The following CCL24 variants were observed in gnomAD, a reference collection of about 807,000 sequenced individuals.
The protein encoded by CCL24 is C-C motif chemokine 24.
CCL24 carries 6 observed loss-of-function variants against 8.6 expected under a neutral mutation model. That is an observed-to-expected ratio of 0.70 (90% CI 0.38 to 1.38). CCL24 has a LOEUF of 1.38. Among genes scored for constraint, CCL24 ranks in the 40% most tolerant of loss-of-function variants. CCL24 has a pLI of 0.02. For synonymous variants in CCL24, 59 were observed against 52.7 expected (o/e 1.12, Z -0.52); for missense variants, 126 against 147.1 (o/e 0.86, Z 0.74).
In CCL24 at chr7:75,819,317, T is replaced by A. The variant is rs1271478867; in HGVS notation, c.-60+4005A>T. ...AAAAAAAAAAAAATATATATATATA[T>A]ATATATATATATATATATATTCATA... On this transcript the variant is annotated intron_variant, in intron 1 of 3. Coordinates refer to the CCL24 transcript ENST00000416943. 8.7e-4 allele frequency among the ~76,000 whole-genome samples: 41 copies of A among 47,262 alleles called. 2 individuals are homozygous for A. Among genetic ancestry groups the A allele is most frequent in the Non-Finnish European group, 1.4e-3 (29 of 20,474 alleles). 31.0% of individuals were successfully genotyped at this position (47,262 alleles called of 152,430 possible).
At chr7:75,821,934 AAAAAAAAAG>A (rs1554535147) in intron 1 of CCL24, among the ~76,000 whole-genome samples, 1 of 150,992 alleles carries the variant, frequency 6.6e-6, no homozygotes, top group Non-Finnish European at 1.5e-5. Flanking sequence ...TCTCAAAAAA[AAAAAAAAAG>A]AAAACAAAAT....
rs201733507 is a variant in CCL24 at position 75,811,925 on chromosome 7, G to C, written c.231C>G (p.Pro77=). ...TKKGQQFCGD[P]KQEWVQRYMK... The stretch of plus-strand genomic sequence containing the variant: ...TGTACCTCTGGACCCACTCCTGCTT[G>C]GGGTCGCCACAGAACTGCTGGCCCT... Residue 77 remains proline (P), a synonymous_variant, in exon 3 of 3, where the codon CCC becomes CCG. Transcript: ENST00000222902. 2 of 1,610,848 alleles carry C rather than the reference G, an allele frequency of 1.2e-6. No individual in the cohort carries two copies. Among genetic ancestry groups the C allele is most frequent in the East Asian group, 4.5e-5 (2 of 44,652 alleles).
chr7:75,821,969 G>T lies in CCL24; in HGVS notation c.-60+1353C>A, dbSNP rs1302819945. ...AAAACAAAATTAGCCAGGTGTGGTG[G>T]CACAAGCCTGTAATCCCAGCTACTC... On this transcript the variant is annotated intron_variant, in intron 1 of 3. Coordinates refer to the CCL24 transcript ENST00000416943. 2.0e-5 allele frequency among the ~76,000 whole-genome samples: 3 copies of T among 151,708 alleles called. No homozygotes were observed. In the East Asian group the frequency reaches 5.8e-4, roughly 29 times the overall value.
rs1239080959 is a variant in CCL24, at chr7:75,810,920, T to C, written c.*876A>G. 1.3e-5 allele frequency among the ~76,000 whole-genome samples: 2 copies of C among 151,712 alleles called. No homozygotes were observed. Among genetic ancestry groups the C allele is most frequent in the African/African-American group, 4.8e-5 (2 of 41,300 alleles). On this transcript the variant is annotated 3_prime_UTR_variant, in exon 3 of 3. Transcript: ENST00000222902. ...ATAAACCCACACAGTATATCATGCA[T>C]AGAAAAAAAAAGCTAGAGTCTTTTC...
At chr7:75,819,161 G>A (rs1441510965) in intron 1 of CCL24, among the ~76,000 whole-genome samples, 5 of 145,382 alleles carry the variant, frequency 3.4e-5, no homozygotes, top group South Asian at 2.2e-4. Context: ...CCAGCTGCTC[G>A]GGAGGCTGAG....
chr7:75,813,516 C>G, intron 1 of CCL24, 93 bp from the exon 2 acceptor site: 1 of 1,253,388 alleles, frequency 8.0e-7, no homozygotes, highest in Non-Finnish European at 1.2e-6. Flanking sequence ...CACCAAACAC[C>G]GCCAGTCCAT....
rs782781825 is a variant in CCL24 at position 75,813,716 on chromosome 7, G to A, written c.-1C>T. 3.1e-6 allele frequency: 5 copies of A among 1,613,568 alleles called. No homozygotes were observed. In the South Asian group the frequency reaches 3.3e-5, roughly 11 times the overall value. ...TTACTATGGTCATCAGGCCTGCCAT[G>A]TCTCAGAGAGCAGAAGCACCAGCTC... On this transcript the variant is annotated 5_prime_UTR_variant, in exon 1 of 3. Coordinates refer to ENST00000222902, the MANE Select transcript of CCL24 (RefSeq NM_002991.3).
Position 75,813,804 on chromosome 7 carries a change from A to G in CCL24, c.-89T>C. Reference sequence around the variant, plus strand: ...GGATAAATAGCTCGGGTCCTTGCAGAGTACCCCAAACTCCCTCCCTCTGCC... The same window carrying G: ...GGATAAATAGCTCGGGTCCTTGCAGGGTACCCCAAACTCCCTCCCTCTGCC... On this transcript the variant is annotated 5_prime_UTR_variant, in exon 1 of 3. Transcript: ENST00000222902. 2.9e-6 allele frequency: 3 copies of G among 1,028,052 alleles called. No homozygotes were observed. Among genetic ancestry groups the G allele is most frequent in the Non-Finnish European group, 3.0e-6 (2 of 657,250 alleles). The allele number at this position is 1,028,052 out of a possible 1,614,324, so 63.7% of individuals were successfully genotyped here. A position where few individuals can be genotyped will look rare whatever the true frequency, so the allele number is the denominator to read the frequency against.
Position 75,811,415 on chromosome 7 carries a change from G to T in CCL24, c.*381C>A, listed in dbSNP as rs575198707. 1.3e-5 allele frequency among the ~76,000 whole-genome samples: 2 copies of T among 151,802 alleles called. No individual in the cohort carries two copies. Among genetic ancestry groups the T allele is most frequent in the Non-Finnish European group, 2.9e-5 (2 of 67,950 alleles). On this transcript the variant is annotated 3_prime_UTR_variant, in exon 3 of 3. Coordinates refer to ENST00000222902, the MANE Select transcript of CCL24 (RefSeq NM_002991.3). ...AATCACTTGAACCCAGGAGGCGGAGGTTGCAGTGAACCGAGATTGTGCCAC... is the reference window on the plus strand; with the variant it reads ...AATCACTTGAACCCAGGAGGCGGAGTTTGCAGTGAACCGAGATTGTGCCAC...
upstream of CCL24, among the ~76,000 whole-genome samples, chr7:75,817,981 C>A (rs1323953461): frequency 6.6e-6 from 1 of 151,976 alleles, no homozygotes; most frequent in Non-Finnish European, 1.5e-5. Context: ...CAGATGCACA[C>A]CACCATGCCT....
chr7:75,819,283 A>C (rs1803962300), intron 1 of CCL24, among the ~76,000 whole-genome samples: 1 of 23,834 alleles, frequency 4.2e-5, no homozygotes, highest in Admixed American at 7.2e-4. Flanking sequence ...AAAAAAAAAA[A>C]AAAAAAAAAA....
rs1804000123 is a variant in CCL24, at chr7:75,820,071, T to TTCTTCTTCTTCTTCC, written c.-60+3250_-60+3251insGGAAGAAGAAGAAGA. Reference sequence around the variant, plus strand: ...CTTCTTCTTCTTCTTCTTCTTCTTCTTCTTCTTCTTCTTCTTCCTCTTCTT... The same window carrying TTCTTCTTCTTCTTCC: ...CTTCTTCTTCTTCTTCTTCTTCTTCTTCTTCTTCTTCTTCCTCTTCTTCTTCTTCTTCCTCTTCTT... On this transcript the variant is annotated intron_variant, in intron 1 of 3. Coordinates refer to the CCL24 transcript ENST00000416943. Among the ~76,000 whole-genome samples the TTCTTCTTCTTCTTCC allele has an allele frequency of 6.7e-4, 92 of 137,364 alleles. 1 individual carries two copies. Among genetic ancestry groups the TTCTTCTTCTTCTTCC allele is most frequent in the Middle Eastern group, 3.6e-3 (1 of 280 alleles). 90.1% of individuals were successfully genotyped at this position (137,364 alleles called of 152,430 possible). A position where few individuals can be genotyped will look rare whatever the true frequency, so the allele number is the denominator to read the frequency against.
chr7:75,810,857 C>A lies in CCL24; in HGVS notation c.*939G>T. On this transcript the variant is annotated 3_prime_UTR_variant, in exon 3 of 3. Coordinates refer to ENST00000222902, the MANE Select transcript of CCL24 (RefSeq NM_002991.3). ...AAAAAAAGAATCGCATTTTATTTGG[C>A]CTATTATTTGAGAACAGCAACTGTG... Among the ~76,000 whole-genome samples the A allele has an allele frequency of 6.6e-6, 1 of 151,514 alleles. No individual in the cohort carries two copies. Among genetic ancestry groups the A allele is most frequent in the Non-Finnish European group, 1.5e-5 (1 of 67,914 alleles).
At chr7:75,816,825 G>C (rs1033366925), upstream of CCL24, among the ~76,000 whole-genome samples, 1 of 141,286 alleles carries the variant, frequency 7.1e-6, no homozygotes, top group Non-Finnish European at 1.5e-5. Flanking sequence ...GCCCCCCAAC[G>C]TGCTGGGATT....
intron 1 of CCL24, among the ~76,000 whole-genome samples, chr7:75,820,739 C>G (rs1221483066): frequency 6.7e-6 from 1 of 150,118 alleles, no homozygotes; most frequent in Non-Finnish European, 1.5e-5. Context: ...ATCCACCTAC[C>G]CACCCATGCA....
intron 1 of CCL24, among the ~76,000 whole-genome samples, chr7:75,821,013 G>C (rs1364667824): frequency 1.3e-5 from 2 of 152,126 alleles, no homozygotes; most frequent in African/African-American, 4.8e-5. Context: ...GGCATACCAA[G>C]AAAAACTATA....
Position 75,813,585 on chromosome 7 carries a change from C to T in CCL24, c.73+58G>A. On this transcript the variant is annotated intron_variant, in intron 1 of 2. Transcript: ENST00000222902. ...CAGCCCCAGGCTGGTCAGTCCTGCACCCCCCACTGTGCCATCCCAGCCATG... is the reference window on the plus strand; with the variant it reads ...CAGCCCCAGGCTGGTCAGTCCTGCATCCCCCACTGTGCCATCCCAGCCATG... 9.5e-6 allele frequency: 14 copies of T among 1,479,400 alleles called. No individual in the cohort carries two copies. The South Asian group carries it at 1.2e-4, about 13-fold the overall frequency. The allele number at this position is 1,479,400 out of a possible 1,614,324, so 91.6% of individuals were successfully genotyped here. A position where few individuals can be genotyped will look rare whatever the true frequency, so the allele number is the denominator to read the frequency against.
At chr7:75,820,103 CTTCCTT>C (rs1804007095) in intron 1 of CCL24, among the ~76,000 whole-genome samples, 1 of 117,880 alleles carries the variant, frequency 8.5e-6, no homozygotes, top group Non-Finnish European at 1.8e-5. Flanking sequence ...TCTTCTTCTT[CTTCCTT>C]CTTCTTCTTC....
intron 1 of CCL24, among the ~76,000 whole-genome samples, chr7:75,819,539 G>A (rs915027183): frequency 2.7e-5 from 4 of 150,422 alleles, no homozygotes; most frequent in Admixed American, 6.7e-5. Context: ...GAAGCAGGAG[G>A]ATCGCTTGAA....
Sources: gnomAD v4.1 joint callset for allele counts (sites outside exome capture counted in the v4.1 genomes callset) on GRCh38, gnomAD v4.1.1 for gene constraint, MANE v1.5 for transcripts, NCBI Gene and HGNC (gene_info 2026-07-23, HGNC 2026-07-21) for gene names.